LPGAT1: variants seen among roughly 807,000 people sequenced by gnomAD.
The protein encoded by LPGAT1 is lysophosphatidylglycerol acyltransferase 1.
In LPGAT1, 11 loss-of-function variants were observed where a neutral mutation model predicts 47.5. The ratio of observed to expected loss-of-function variants is 0.23; its 90% CI spans 0.15 to 0.38. The LOEUF (loss-of-function observed/expected upper bound fraction) is 0.38, where lower values mean the gene tolerates loss of function less well. Among genes scored for constraint, LPGAT1 ranks in the 10% least tolerant of loss-of-function variants. The probability of loss-of-function intolerance (pLI) is 1.00; values close to 1 mark genes in which losing one functional copy is unlikely to be tolerated. For synonymous variants in LPGAT1, 138 were observed against 144.2 expected (o/e 0.96, Z 0.31); for missense variants, 293 against 439.0 (o/e 0.67, Z 2.97).
intron 6 of LPGAT1, among the ~76,000 whole-genome samples, chr1:211,766,285 C>G (rs553777850): frequency 1.4e-4 from 21 of 152,304 alleles, no homozygotes; most frequent in African/African-American, 5.1e-4. Context: ...AGCTTACAGA[C>G]AGCAGACTGT....
intron 4 of LPGAT1, among the ~76,000 whole-genome samples, chr1:211,785,094 CG>C (rs1393719113): frequency 1.3e-5 from 2 of 152,032 alleles, no homozygotes; most frequent in Non-Finnish European, 2.9e-5. Flanking sequence ...TGAGCCACTG[CG>C]CCCAGCCGGT....
intron 2 of LPGAT1, among the ~76,000 whole-genome samples, chr1:211,819,157 C>T (rs1030160599): frequency 4.6e-5 from 7 of 152,104 alleles, no homozygotes; most frequent in Non-Finnish European, 1.0e-4. Context: ...GAAAAAACTG[C>T]GCAAAACTGC....
At chr1:211,781,263 G>T (rs1465995589) in intron 5 of LPGAT1, among the ~76,000 whole-genome samples, 1 of 152,206 alleles carries the variant, frequency 6.6e-6, no homozygotes, top group East Asian at 1.9e-4. Flanking sequence ...CTCTGTAAAA[G>T]AAAACAACCA....
At chr1:211,759,844 C>T (rs1476835043) in intron 6 of LPGAT1, among the ~76,000 whole-genome samples, 1 of 152,142 alleles carries the variant, frequency 6.6e-6, no homozygotes, top group Non-Finnish European at 1.5e-5. Context: ...AATGTGGCAA[C>T]AAATAGCATT....
At chr1:211,771,717 G>C (rs1019502137) in intron 6 of LPGAT1, among the ~76,000 whole-genome samples, 2 of 151,968 alleles carry the variant, frequency 1.3e-5, no homozygotes, top group Non-Finnish European at 2.9e-5. Flanking sequence ...GGCCAGGCTG[G>C]TCTCAAACTC....
intron 6 of LPGAT1, among the ~76,000 whole-genome samples, chr1:211,763,617 T>G (rs1186041479): frequency 6.6e-6 from 1 of 152,240 alleles, no homozygotes; most frequent in Non-Finnish European, 1.5e-5. Context: ...TTTCTAAAAG[T>G]CAAAGCATAC....
chr1:211,751,288 A>G (rs1187347116), intron 6 of LPGAT1, among the ~76,000 whole-genome samples: 1 of 152,228 alleles, frequency 6.6e-6, no homozygotes, highest in African/African-American at 2.4e-5. Flanking sequence ...CTAGTCTACT[A>G]TGTTTAGGTC....
At chr1:211,781,527 T>G (rs1240594165) in intron 5 of LPGAT1, among the ~76,000 whole-genome samples, 1 of 152,190 alleles carries the variant, frequency 6.6e-6, no homozygotes, top group Non-Finnish European at 1.5e-5. Flanking sequence ...TAATAGATGA[T>G]GAAAGATTAA....
intron 6 of LPGAT1, among the ~76,000 whole-genome samples, chr1:211,765,860 G>A (rs1054453978): frequency 3.3e-5 from 5 of 152,158 alleles, no homozygotes; most frequent in African/African-American, 1.2e-4. Context: ...TTATTTCTAA[G>A]TGTGTCTGTG....
At chr1:211,776,559 C>T (rs1202792975) in intron 6 of LPGAT1, among the ~76,000 whole-genome samples, 1 of 151,966 alleles carries the variant, frequency 6.6e-6, no homozygotes, top group East Asian at 1.9e-4. Context: ...ACTGACTTGC[C>T]CAGCTATATA....
chr1:211,808,683 T>C (rs1486816587), intron 2 of LPGAT1, among the ~76,000 whole-genome samples: 1 of 152,140 alleles, frequency 6.6e-6, no homozygotes. Flanking sequence ...AAGTTAAACA[T>C]ACATTTACAA....
chr1:211,773,200 C>A (rs1044207431), intron 6 of LPGAT1, among the ~76,000 whole-genome samples: 1 of 152,102 alleles, frequency 6.6e-6, no homozygotes, highest in Non-Finnish European at 1.5e-5. Context: ...TATATGAGAT[C>A]ACCTTTTCCC....
intron 1 of LPGAT1, chr1:211,829,978 A>G (rs1177774324): frequency 1.0e-6 from 1 of 985,376 alleles, no homozygotes; most frequent in Non-Finnish European, 1.2e-6. Context: ...GAGTAGGGGG[A>G]AGGGAGCAAA....
At chr1:211,811,450 AT>A (rs1006659609) in intron 2 of LPGAT1, among the ~76,000 whole-genome samples, 1 of 151,990 alleles carries the variant, frequency 6.6e-6, no homozygotes, top group Non-Finnish European at 1.5e-5. Flanking sequence ...CTAAATGGGG[AT>A]TTTTTTTAAA....
chr1:211,751,337 A>G (rs1028773855), intron 6 of LPGAT1, among the ~76,000 whole-genome samples: 1 of 152,230 alleles, frequency 6.6e-6, no homozygotes, highest in African/African-American at 2.4e-5. Context: ...AAATTACCTT[A>G]TATCTATGAA....
At chr1:211,790,889 T>C (rs1659083248) in intron 3 of LPGAT1, among the ~76,000 whole-genome samples, 1 of 152,164 alleles carries the variant, frequency 6.6e-6, no homozygotes, top group South Asian at 2.1e-4. Context: ...CTTAAGGACA[T>C]TGTAGGCCCT....
At chr1:211,783,579 G>T in intron 4 of LPGAT1, 77 bp from the exon 5 acceptor site, 1 of 1,336,854 alleles carries the variant, frequency 7.5e-7, no homozygotes, top group Non-Finnish European at 1.0e-6. Context: ...AGAAATTACA[G>T]CTTCTAAATT....
rs536900017 is a variant in LPGAT1 at position 211,828,001 on chromosome 1, C to T, written c.238+1058G>A. Among the ~76,000 whole-genome samples, 7 of 152,308 alleles carry T rather than the reference C, an allele frequency of 4.6e-5. No individual in the cohort carries two copies. The South Asian group carries it at 1.5e-3, about 32-fold the overall frequency. On this transcript the variant is annotated intron_variant, in intron 2 of 7. Transcript: ENST00000366997. ...TCCATAAAAGCTGTATACTATCAGTCCTTCTCTTGCGTGTGTGGATAAAAT... is the reference window on the plus strand; with the variant it reads ...TCCATAAAAGCTGTATACTATCAGTTCTTCTCTTGCGTGTGTGGATAAAAT...
intron 2 of LPGAT1, among the ~76,000 whole-genome samples, chr1:211,805,643 T>C (rs1181965418): frequency 6.6e-6 from 1 of 152,206 alleles, no homozygotes; most frequent in Non-Finnish European, 1.5e-5. Flanking sequence ...ATCAAAGAAA[T>C]TGATTTTATA....
Sources: gnomAD v4.1 joint callset for allele counts (sites outside exome capture counted in the v4.1 genomes callset) on GRCh38, gnomAD v4.1.1 for gene constraint, MANE v1.5 for transcripts, NCBI Gene and HGNC (gene_info 2026-07-23, HGNC 2026-07-21) for gene names.